TCP11L2: variants seen among roughly 807,000 people sequenced by gnomAD.
TCP11L2 encodes the protein T-complex protein 11-like protein 2.
A neutral mutation model predicts 50.7 loss-of-function variants in TCP11L2; 39 were observed. The observed-to-expected ratio is 0.77, with a 90% CI of 0.60 to 1.01. TCP11L2 has a LOEUF of 1.01. TCP11L2 is among the 50% of genes least tolerant of loss of function. The pLI, the probability that TCP11L2 is intolerant of heterozygous loss-of-function variation, is 0.00. For missense variants in TCP11L2, 612 were observed against 614.7 expected, an observed-to-expected ratio of 1.00 and a Z score of 0.05; for synonymous variants, 192 against 219.3, an observed-to-expected ratio of 0.88 and a Z score of 1.10.
intron 3 of TCP11L2, among the ~76,000 whole-genome samples, chr12:106,315,954 AT>A: frequency 6.6e-6 from 1 of 152,340 alleles, no homozygotes; most frequent in South Asian, 2.1e-4. Flanking sequence ...GAACTTTTTC[AT>A]TTGTTTTAAA....
In TCP11L2 at chr12:106,346,731, C is replaced by CT. The variant is rs2036245557; in HGVS notation, c.*202dup. 2.0e-6 allele frequency: 1 copy of CT among 503,814 alleles called. No individual in the cohort carries two copies. Among genetic ancestry groups the CT allele is most frequent in the East Asian group, 3.0e-5 (1 of 32,894 alleles). The allele number at this position is 503,814 out of a possible 1,614,324, so 31.2% of individuals were successfully genotyped here. A position where few individuals can be genotyped will look rare whatever the true frequency, so the allele number is the denominator to read the frequency against. On this transcript the variant is annotated 3_prime_UTR_variant, in exon 10 of 10. Coordinates refer to ENST00000299045, the MANE Select transcript of TCP11L2 (RefSeq NM_152772.3). ...AGAAGACGTAAACATCACATAGACC[C>CT]TATTTGTGCATCATTTTCAAGTTTA...
chr12:106,307,968 G>A (rs1408128340), intron 1 of TCP11L2, among the ~76,000 whole-genome samples: 2 of 152,206 alleles, frequency 1.3e-5, no homozygotes, highest in African/African-American at 4.8e-5. Flanking sequence ...TGAGGAAACA[G>A]ACAAATTTTT....
At chr12:106,312,540 C>A in intron 2 of TCP11L2, 1 of 522,798 alleles carries the variant, frequency 1.9e-6, no homozygotes, top group Non-Finnish European at 2.5e-6. Flanking sequence ...CTGTGTATCA[C>A]CTTTCTCTTC....
chr12:106,314,238 T>G (rs2034977227), intron 2 of TCP11L2, 120 bp from the exon 3 acceptor site: 2 of 1,046,414 alleles, frequency 1.9e-6, no homozygotes, highest in Non-Finnish European at 2.7e-6. Flanking sequence ...TATAGTCTCC[T>G]GACCTATAAA....
At chr12:106,322,030 G>A (rs1376995335) in intron 5 of TCP11L2, among the ~76,000 whole-genome samples, 1 of 152,152 alleles carries the variant, frequency 6.6e-6, no homozygotes, top group East Asian at 1.9e-4. Flanking sequence ...AAGTGGAAGG[G>A]GAAGTAGAGG....
chr12:106,302,407 AGCCCCCGC>A (rs2034448551), upstream of TCP11L2, among the ~76,000 whole-genome samples: 1 of 46,046 alleles, frequency 2.2e-5, no homozygotes, highest in Admixed American at 2.1e-4. Flanking sequence ...GCCCCCGCTC[AGCCCCCGC>A]TCCCCCACTC....
At chr12:106,299,572 T>C (rs1050182801), upstream of TCP11L2, among the ~76,000 whole-genome samples, 1 of 152,162 alleles carries the variant, frequency 6.6e-6, no homozygotes, top group Non-Finnish European at 1.5e-5. Flanking sequence ...GGGTGGGGCC[T>C]TGTGCAACTG....
chr12:106,308,779 C>T (rs1361652048), intron 1 of TCP11L2, among the ~76,000 whole-genome samples: 2 of 152,174 alleles, frequency 1.3e-5, no homozygotes, highest in South Asian at 2.1e-4. Flanking sequence ...CAGTACCAGC[C>T]TGGTTAACGT....
intron 6 of TCP11L2, chr12:106,325,059 A>T (rs1234683142): frequency 6.6e-6 from 1 of 152,242 alleles, no homozygotes; most frequent in Non-Finnish European, 1.5e-5. Flanking sequence ...AACACTTAGA[A>T]AATCCTTATC....
intron 3 of TCP11L2, among the ~76,000 whole-genome samples, chr12:106,315,889 T>C (rs2035062223): frequency 6.6e-6 from 1 of 152,244 alleles, no homozygotes; most frequent in African/African-American, 2.4e-5. Context: ...GTACCAATTA[T>C]AAATCCTGAG....
At chr12:106,307,130 CATTT>C (rs2034662599) in intron 1 of TCP11L2, among the ~76,000 whole-genome samples, 1 of 152,216 alleles carries the variant, frequency 6.6e-6, no homozygotes, top group Non-Finnish European at 1.5e-5. Context: ...TACTACCATT[CATTT>C]ATTCAACAAT....
chr12:106,304,376 C>T (rs560603576), intron 1 of TCP11L2: 3 of 152,434 alleles, frequency 2.0e-5, no homozygotes, highest in African/African-American at 7.2e-5. Flanking sequence ...TGGCTTTTAT[C>T]TAGCTCTTTG....
At chr12:106,316,254 C>CCACA (rs71311254) in intron 3 of TCP11L2, among the ~76,000 whole-genome samples, 88,373 of 151,548 alleles carry the variant, frequency 0.58, 26,151 homozygotes, top group East Asian at 0.77. Context: ...TCTTCCATAT[C>CCACA]CAGTAGCCTT....
chr12:106,316,772 T>C (rs2136669876), intron 3 of TCP11L2, among the ~76,000 whole-genome samples: 1 of 152,316 alleles, frequency 6.6e-6, no homozygotes, highest in Middle Eastern at 3.4e-3. Flanking sequence ...CACTGTAGTA[T>C]TCCCAGTTCC....
chr12:106,329,790 G>T, intron 6 of TCP11L2: 1 of 990,892 alleles, frequency 1.0e-6, no homozygotes, highest in South Asian at 4.7e-5. Context: ...ATTTCCACTC[G>T]CGCTCTCTCA....
At chr12:106,298,818 C>T (rs187100947), upstream of TCP11L2, among the ~76,000 whole-genome samples, 5 of 150,164 alleles carry the variant, frequency 3.3e-5, no homozygotes, top group Admixed American at 2.0e-4. Flanking sequence ...CCACCATGCC[C>T]GGCCATTTTT....
At chr12:106,321,996 T>G (rs1310935632) in intron 5 of TCP11L2, among the ~76,000 whole-genome samples, 1 of 152,170 alleles carries the variant, frequency 6.6e-6, no homozygotes, top group Non-Finnish European at 1.5e-5. Context: ...AGAGAGATCT[T>G]GAACAATTAA....
intron 6 of TCP11L2, among the ~76,000 whole-genome samples, chr12:106,327,385 C>T (rs956732284): frequency 1.3e-5 from 2 of 151,962 alleles, no homozygotes; most frequent in African/African-American, 2.4e-5. Flanking sequence ...TTTGTAGAGA[C>T]GGGGGTCTGT....
chr12:106,329,794 T>C (rs946065586), intron 6 of TCP11L2: 1 of 990,190 alleles, frequency 1.0e-6, no homozygotes, highest in South Asian at 4.7e-5. Context: ...CCACTCGCGC[T>C]CTCTCAGTTG....
Sources: allele counts gnomAD v4.1 joint callset (sites outside exome capture counted in the v4.1 genomes callset), GRCh38; gene constraint gnomAD v4.1.1; transcripts MANE v1.5; gene names NCBI Gene and HGNC (gene_info 2026-07-23, HGNC 2026-07-21).